Variants in RPAP3 observed in about 807,000 individuals in gnomAD.
RPAP3 encodes the protein RNA polymerase II associated protein 3.
Under a neutral mutation model 88.8 loss-of-function variants are expected in RPAP3, and 58 were observed. The ratio of observed to expected loss-of-function variants is 0.65; its 90% CI spans 0.53 to 0.81. The LOEUF is 0.81. Ranked by LOEUF, RPAP3 falls within the 40% of genes least tolerant of loss-of-function variation. The pLI is 0.00. For synonymous variants in RPAP3, 255 were observed against 259.9 expected (o/e 0.98, Z 0.18); for missense variants, 751 against 764.3 (o/e 0.98, Z 0.20).
At chr12:47,703,635 C>T (rs1034890953) in intron 1 of RPAP3, among the ~76,000 whole-genome samples, 2 of 152,086 alleles carry the variant, frequency 1.3e-5, no homozygotes, top group South Asian at 2.1e-4. Context: ...GGTGTTGGAA[C>T]TTTAGCTGGA....
chr12:47,666,335 C>G (rs891993820), intron 16 of RPAP3, among the ~76,000 whole-genome samples: 1 of 152,214 alleles, frequency 6.6e-6, no homozygotes. Flanking sequence ...CCCTATTCTA[C>G]AATCCAGCCA....
intron 16 of RPAP3, among the ~76,000 whole-genome samples, chr12:47,665,902 A>G (rs1474330992): frequency 2.0e-5 from 3 of 152,126 alleles, no homozygotes; most frequent in Non-Finnish European, 4.4e-5. Context: ...TGCTGGGATT[A>G]CAGGCATGAG....
chr12:47,682,004 G>A (rs2136624226), intron 9 of RPAP3, among the ~76,000 whole-genome samples, 187 bp from the exon 10 acceptor site: 1 of 152,186 alleles, frequency 6.6e-6, no homozygotes, highest in African/African-American at 2.4e-5. Context: ...ATTTGGTGAG[G>A]AGGGAGAAGG....
rs1592463708 is a variant in RPAP3, at chr12:47,662,302, G to A, written c.*1203C>T. ...CATAATACATTTAGCAATAAACAAA[G>A]TTAATAAACTCTATCAAGTGTATTT... On this transcript the variant is annotated 3_prime_UTR_variant, in exon 17 of 17. Transcript: ENST00000005386. 6.6e-6 allele frequency: 1 copy of A among 152,108 alleles called. No homozygotes were observed. The highest frequency in any genetic ancestry group is 1.9e-4 in the East Asian group (1 of 5,198). 9.4% of individuals were successfully genotyped at this position (152,108 alleles called of 1,614,324 possible). A position where few individuals can be genotyped will look rare whatever the true frequency, so the allele number is the denominator to read the frequency against.
intron 16 of RPAP3, among the ~76,000 whole-genome samples, chr12:47,665,472 G>A (rs1008506453): frequency 2.6e-5 from 4 of 151,198 alleles, no homozygotes; most frequent in Non-Finnish European, 5.9e-5. Flanking sequence ...CAGAGTGGTT[G>A]AAAAAATAGT....
Position 47,669,140 on chromosome 12 carries a change from T to C in RPAP3, c.1527-38A>G, listed in dbSNP as rs1938943830. 5 of 1,435,664 alleles carry C rather than the reference T, an allele frequency of 3.5e-6. No homozygotes were observed. The East Asian group carries it at 1.1e-4, about 33-fold the overall frequency. 88.9% of individuals were successfully genotyped at this position (1,435,664 alleles called of 1,614,324 possible). On this transcript the variant is annotated intron_variant, in intron 13 of 16. Coordinates refer to ENST00000005386, the MANE Select transcript of RPAP3 (RefSeq NM_024604.3). The stretch of plus-strand genomic sequence containing the variant: ...AGAGGTATCAAACAGAAAAGAACCA[T>C]AAATAATCATAGCTCAATCAAGGAG...
Position 47,686,685 on chromosome 12 carries a change from G to C in RPAP3, c.992+95C>G. The C allele has an allele frequency of 8.7e-6, 8 of 922,606 alleles. No homozygotes were observed. The South Asian group carries it at 1.8e-4, about 20-fold the overall frequency. The allele number at this position is 922,606 out of a possible 1,614,324, so 57.2% of individuals were successfully genotyped here. ...ATTGGCATGTGAGCTAACCTAACACGCCATAATTGGCATGTTAGGTAACTT... is the reference window on the plus strand; with the variant it reads ...ATTGGCATGTGAGCTAACCTAACACCCCATAATTGGCATGTTAGGTAACTT... On this transcript the variant is annotated intron_variant, in intron 9 of 16. Transcript: ENST00000005386.
In RPAP3 at chr12:47,687,991, G is replaced by T. The variant is rs972933355; in HGVS notation, c.749C>A (p.Ser250Tyr). ...ELRKISQALA[S>Y]KENSYPKEAD... ...TTCCTTTGGATATGAGTTTTCTTTG[G>T]ATGCTAAAGCCTAGGAGACATAGCA... Residue 250 changes from serine (S) to tyrosine (Y), a missense_variant, in exon 8 of 17, where the codon TCC becomes TAC. Transcript: ENST00000005386. The T allele has an allele frequency of 6.2e-7, 1 of 1,611,476 alleles. No homozygotes were observed. The highest frequency in any genetic ancestry group is 1.3e-5 in the African/African-American group (1 of 74,864).
chr12:47,667,897 AT>A, intron 14 of RPAP3, 46 bp from the exon 15 acceptor site: 1 of 1,191,732 alleles, frequency 8.4e-7, no homozygotes, highest in Non-Finnish European at 1.2e-6. Flanking sequence ...CAACACTTAC[AT>A]ATCACAAATT....
Position 47,693,800 on chromosome 12 carries a change from A to G in RPAP3, c.545+2476T>C, listed in dbSNP as rs868568215. On this transcript the variant is annotated intron_variant, in intron 5 of 16. Transcript: ENST00000005386. ...AAAAAGAAAACTCAAAACAATCTAGAGACATTGCTGGAAGTATTACAAGTT... is the reference window on the plus strand; with the variant it reads ...AAAAAGAAAACTCAAAACAATCTAGGGACATTGCTGGAAGTATTACAAGTT... 2.0e-5 allele frequency among the ~76,000 whole-genome samples: 3 copies of G among 152,348 alleles called. No homozygotes were observed. The Middle Eastern group carries it at 0.01, about 518-fold the overall frequency.
intron 1 of RPAP3, among the ~76,000 whole-genome samples, chr12:47,703,762 T>C (rs1218880615): frequency 6.6e-6 from 1 of 152,120 alleles, no homozygotes; most frequent in Non-Finnish European, 1.5e-5. Context: ...AGACTTGAAA[T>C]GGCAGGCCAT....
chr12:47,665,627 ATATTTTTTTATTTTT>A (rs1358995127), intron 16 of RPAP3, among the ~76,000 whole-genome samples: 1 of 148,836 alleles, frequency 6.7e-6, no homozygotes, highest in African/African-American at 2.4e-5. Context: ...ATTTTAATAT[ATATTTTTTTATTTTT>A]ATTTAACTAT....
In RPAP3 at chr12:47,687,999, A is replaced by C; in HGVS notation, c.741T>G (p.Ala247=). The change falls in exon 8 of 17, where the codon GCT becomes GCG. Residue 247 remains alanine, a splice_region_variant and synonymous_variant. Transcript: ENST00000005386. ...ATNELRKISQ[A]LASKENSYPK... is the part of the protein sequence containing the mutation. The stretch of plus-strand genomic sequence containing the variant: ...GATATGAGTTTTCTTTGGATGCTAA[A>C]GCCTAGGAGACATAGCAGTCAGCTA... The C allele has an allele frequency of 6.2e-7, 1 of 1,609,354 alleles. No homozygotes were observed. Among genetic ancestry groups the C allele is most frequent in the African/African-American group, 1.3e-5 (1 of 74,774 alleles).
intron 3 of RPAP3, 98 bp downstream of exon 3, chr12:47,701,366 C>T (rs564903344): frequency 5.9e-5 from 47 of 792,652 alleles, no homozygotes; most frequent in African/African-American, 4.8e-4. Flanking sequence ...AAACACAGGC[C>T]ATAACTCTAC....
chr12:47,702,113 A>G (rs766075245), intron 2 of RPAP3, among the ~76,000 whole-genome samples: 1 of 152,222 alleles, frequency 6.6e-6, no homozygotes, highest in Non-Finnish European at 1.5e-5. Flanking sequence ...ACACCTCTAC[A>G]TATTTTATGA....
intron 12 of RPAP3, among the ~76,000 whole-genome samples, chr12:47,677,189 A>G (rs1939133647): frequency 6.6e-6 from 1 of 152,240 alleles, no homozygotes; most frequent in Non-Finnish European, 1.5e-5. Flanking sequence ...ACAAAATTCA[A>G]CAGTGCTTCA....
At chr12:47,700,885 C>T (rs758250009) in intron 3 of RPAP3, among the ~76,000 whole-genome samples, 1 of 152,208 alleles carries the variant, frequency 6.6e-6, no homozygotes, top group African/African-American at 2.4e-5. Flanking sequence ...ACAAAGACAT[C>T]TGCACAGTCA....
intron 2 of RPAP3, among the ~76,000 whole-genome samples, chr12:47,701,895 C>T (rs906963508): frequency 1.3e-5 from 2 of 152,156 alleles, no homozygotes; most frequent in Non-Finnish European, 2.9e-5. Context: ...AACGACCTAT[C>T]TTCAGCCTTA....
intron 5 of RPAP3, among the ~76,000 whole-genome samples, chr12:47,694,562 A>G (rs934007694): frequency 4.6e-5 from 7 of 152,134 alleles, no homozygotes; most frequent in Non-Finnish European, 1.0e-4. Context: ...AAAGAAGATA[A>G]GCTACAAATT....
Sources: gnomAD v4.1 joint callset for allele counts (sites outside exome capture counted in the v4.1 genomes callset) on GRCh38, gnomAD v4.1.1 for gene constraint, MANE v1.5 for transcripts, NCBI Gene and HGNC (gene_info 2026-07-23, HGNC 2026-07-21) for gene names.